SGCZ: variants seen among roughly 807,000 people sequenced by gnomAD.
SGCZ encodes zeta-sarcoglycan.
A neutral mutation model predicts 41.3 loss-of-function variants in SGCZ; 40 were observed. The ratio of observed to expected loss-of-function variants is 0.97; its 90% CI spans 0.75 to 1.26. The LOEUF is 1.26. Ranked by LOEUF, SGCZ falls within the 50% of genes most tolerant of loss-of-function variation. The probability of loss-of-function intolerance (pLI) is 0.00; values close to 1 mark genes in which losing one functional copy is unlikely to be tolerated. For missense variants in SGCZ, 552 were observed against 369.8 expected, an observed-to-expected ratio of 1.49 and a Z score of -4.04; for synonymous variants, 206 against 137.5, an observed-to-expected ratio of 1.50 and a Z score of -3.49.
intron 1 of SGCZ, among the ~76,000 whole-genome samples, chr8:15,209,538 A>AAAGGAATG (rs1554478060): frequency 6.6e-6 from 1 of 150,734 alleles, no homozygotes; most frequent in Non-Finnish European, 1.5e-5. Context: ...CCTAAGTATA[A>AAAGGAATG]AAAGAATGAA....
At chr8:14,696,918 A>C (rs1342577313) in intron 1 of SGCZ, among the ~76,000 whole-genome samples, 1 of 151,768 alleles carries the variant, frequency 6.6e-6, no homozygotes, top group African/African-American at 2.4e-5. Context: ...TGTTTTCCCA[A>C]GTGATGACAG....
chr8:14,434,069 G>C (rs771860175), intron 2 of SGCZ, among the ~76,000 whole-genome samples: 1 of 152,072 alleles, frequency 6.6e-6, no homozygotes, highest in Non-Finnish European at 1.5e-5. Context: ...GGGTTTTTCC[G>C]ATGTTATGTT....
chr8:15,052,056 C>T (rs1169427076), intron 1 of SGCZ, among the ~76,000 whole-genome samples: 2 of 152,036 alleles, frequency 1.3e-5, no homozygotes, highest in Non-Finnish European at 2.9e-5. Flanking sequence ...CAATCTGAGC[C>T]GTAATTTAGA....
intron 2 of SGCZ, among the ~76,000 whole-genome samples, chr8:14,375,331 T>C (rs538001000): frequency 1.3e-5 from 2 of 152,076 alleles, no homozygotes; most frequent in East Asian, 1.9e-4. Context: ...CAAGGAGATA[T>C]TTTAACACAC....
chr8:14,881,622 A>G (rs1416117480), intron 1 of SGCZ, among the ~76,000 whole-genome samples: 1 of 152,092 alleles, frequency 6.6e-6, no homozygotes. Context: ...TCTCCCACAC[A>G]ATAATAGTGG....
intron 1 of SGCZ, among the ~76,000 whole-genome samples, chr8:14,978,012 C>T (rs960932221): frequency 2.6e-5 from 4 of 151,816 alleles, no homozygotes; most frequent in Admixed American, 2.6e-4. Context: ...ATGCTATCAT[C>T]TTTTGTCCTC....
At chr8:15,097,537 G>A (rs1193444603) in intron 1 of SGCZ, among the ~76,000 whole-genome samples, 1 of 151,788 alleles carries the variant, frequency 6.6e-6, no homozygotes, top group Non-Finnish European at 1.5e-5. Context: ...TTAGTTGAAT[G>A]CCAGGAGTTT....
chr8:15,161,474 A>G (rs570447610), intron 1 of SGCZ, among the ~76,000 whole-genome samples: 4 of 152,212 alleles, frequency 2.6e-5, no homozygotes, highest in Admixed American at 6.5e-5. Context: ...CTGCTTCATG[A>G]GGGCCAGGGC....
intron 1 of SGCZ, among the ~76,000 whole-genome samples, chr8:15,138,323 G>C (rs1200189115): frequency 2.0e-5 from 3 of 152,128 alleles, no homozygotes; most frequent in Non-Finnish European, 2.9e-5. Context: ...TAAGACTTTG[G>C]AGTTGGGCTT....
chr8:14,853,338 C>G, intron 1 of SGCZ: 1 of 385,522 alleles, frequency 2.6e-6, no homozygotes, highest in East Asian at 6.8e-5. Flanking sequence ...TTCATCTCAC[C>G]TGAAGCATGC....
chr8:14,330,692 T>C (rs1238021430), intron 2 of SGCZ, among the ~76,000 whole-genome samples: 1 of 152,016 alleles, frequency 6.6e-6, no homozygotes, highest in Non-Finnish European at 1.5e-5. Flanking sequence ...GGTAATTCAC[T>C]CCCTCCTCTT....
intron 1 of SGCZ, among the ~76,000 whole-genome samples, chr8:14,772,993 A>G (rs6997035): frequency 0.71 from 107,310 of 151,908 alleles, 39,043 homozygotes; most frequent in African/African-American, 0.89. Context: ...GATCCCTGAG[A>G]AATTGCCACA....
chr8:14,445,583 C>G (rs1800407819), intron 2 of SGCZ, among the ~76,000 whole-genome samples: 1 of 152,130 alleles, frequency 6.6e-6, no homozygotes, highest in Non-Finnish European at 1.5e-5. Context: ...CCATTTCCAC[C>G]ACTCAACAAA....
At chr8:14,947,009 G>C (rs1020651953) in intron 1 of SGCZ, among the ~76,000 whole-genome samples, 1 of 151,926 alleles carries the variant, frequency 6.6e-6, no homozygotes, top group African/African-American at 2.4e-5. Flanking sequence ...AAACATAAAA[G>C]GAACTTTTGA....
chr8:14,477,533 T>C (rs916464253), intron 2 of SGCZ, among the ~76,000 whole-genome samples: 1 of 152,174 alleles, frequency 6.6e-6, no homozygotes, highest in African/African-American at 2.4e-5. Context: ...CTCCTCAAAG[T>C]AGCCTTAACA....
At chr8:15,002,834 A>G (rs1027324786) in intron 1 of SGCZ, among the ~76,000 whole-genome samples, 1 of 152,136 alleles carries the variant, frequency 6.6e-6, no homozygotes, top group African/African-American at 2.4e-5. Flanking sequence ...TCCAAATCTC[A>G]TCTTGAATTA....
intron 1 of SGCZ, among the ~76,000 whole-genome samples, chr8:15,026,579 A>C (rs1803464733): frequency 6.6e-6 from 1 of 152,194 alleles, no homozygotes; most frequent in Non-Finnish European, 1.5e-5. Flanking sequence ...GTGCTCAGAT[A>C]CCACTAGAGA....
chr8:15,110,982 G>T (rs1006712157), intron 1 of SGCZ, among the ~76,000 whole-genome samples: 5 of 151,968 alleles, frequency 3.3e-5, no homozygotes, highest in African/African-American at 1.2e-4. Context: ...AAAGAAAAAA[G>T]AAAAAGTTTT....
chr8:14,326,752 G>C (rs892274953), intron 2 of SGCZ, among the ~76,000 whole-genome samples: 2 of 152,134 alleles, frequency 1.3e-5, no homozygotes, highest in Non-Finnish European at 2.9e-5. Context: ...GTTTCTCTGA[G>C]AAAGGGCTGA....
Sources: gnomAD v4.1 joint callset for allele counts (sites outside exome capture counted in the v4.1 genomes callset) on GRCh38, gnomAD v4.1.1 for gene constraint, MANE v1.5 for transcripts, NCBI Gene and HGNC (gene_info 2026-07-23, HGNC 2026-07-21) for gene names.